Variants in RELN observed in about 807,000 individuals in gnomAD.
RELN encodes the protein reelin.
In RELN, 108 loss-of-function variants were observed where a neutral mutation model predicts 427.6. That is an observed-to-expected ratio of 0.25 (90% confidence interval 0.22 to 0.30). The LOEUF (loss-of-function observed/expected upper bound fraction) is 0.30. Ranked by LOEUF, RELN falls within the 10% of genes least tolerant of loss-of-function variation. The pLI, the probability that RELN is intolerant of heterozygous loss-of-function variation, is 1.00. For synonymous variants in RELN, 1,524 were observed against 1,513.4 expected, an observed-to-expected ratio of 1.01 and a Z score of -0.16; for missense variants, 3,715 against 4,302.8, an observed-to-expected ratio of 0.86 and a Z score of 3.82.
At chr7:103,846,513 G>A (rs1034544439) in intron 2 of RELN, among the ~76,000 whole-genome samples, 20 of 152,062 alleles carry the variant, frequency 1.3e-4, no homozygotes, top group African/African-American at 4.8e-4. Context: ...GGACATAGGC[G>A]TGGGCAAAGA....
chr7:103,932,251 C>G (rs1282589932), intron 1 of RELN, among the ~76,000 whole-genome samples: 1 of 152,188 alleles, frequency 6.6e-6, no homozygotes, highest in African/African-American at 2.4e-5. Context: ...ACGGATGGAG[C>G]TGGAGGCTAT....
Position 103,565,469 on chromosome 7 carries a change from G to T in RELN, c.5019C>A (p.Ser1673Arg), listed in dbSNP as rs370258062. 1.9e-5 allele frequency: 30 copies of T among 1,613,708 alleles called. No individual in the cohort carries two copies. In the African/African-American group the frequency reaches 4.0e-4, roughly 22 times the overall value. Residue 1673 changes from serine (S) to arginine (R), a missense_variant, in exon 34 of 65, where the codon AGC becomes AGA. Physicochemically the swap from Ser to Arg is moderately radical, Grantham distance 110 (BLOSUM62 -1). Transcript: ENST00000428762. ...FLQFEMSMGC[S>R]KPFSNSHSVQ... is the part of the protein sequence containing the mutation. Reference sequence around the variant, plus strand: ...CACTGTGGGAGTTGCTGAAGGGCTTGCTACAGCCCATGCTCATTTCAAACT... The same window carrying T: ...CACTGTGGGAGTTGCTGAAGGGCTTTCTACAGCCCATGCTCATTTCAAACT...
At chr7:103,778,189 G>A (rs932724241) in intron 3 of RELN, among the ~76,000 whole-genome samples, 2 of 152,098 alleles carry the variant, frequency 1.3e-5, no homozygotes, top group Admixed American at 6.5e-5. Context: ...ATGGCCTAGA[G>A]GCTCTCTAAT....
chr7:103,919,340 CT>C (rs1322331871), intron 1 of RELN, among the ~76,000 whole-genome samples: 1 of 152,038 alleles, frequency 6.6e-6, no homozygotes, highest in Non-Finnish European at 1.5e-5. Flanking sequence ...CATGTTTTCA[CT>C]GACTGGAACA....
At chr7:103,839,054 AGCC>A (rs1793484320) in intron 2 of RELN, among the ~76,000 whole-genome samples, 1 of 152,238 alleles carries the variant, frequency 6.6e-6, no homozygotes, top group Non-Finnish European at 1.5e-5. Flanking sequence ...TCTAATGTCT[AGCC>A]AATAATTTGC....
chr7:103,722,951 AAGTG>A (rs1342564898), intron 8 of RELN, among the ~76,000 whole-genome samples, 185 bp downstream of exon 8: 3 of 152,176 alleles, frequency 2.0e-5, no homozygotes, highest in Non-Finnish European at 2.9e-5. Context: ...TGCTGGAGAG[AAGTG>A]AGAACAGAAT....
At chr7:103,756,047 A>G (rs1791143190) in intron 4 of RELN, among the ~76,000 whole-genome samples, 1 of 152,216 alleles carries the variant, frequency 6.6e-6, no homozygotes, top group African/African-American at 2.4e-5. Flanking sequence ...GCAATACAAT[A>G]ATTAGATATG....
chr7:103,904,291 T>C lies in RELN; in HGVS notation c.337+12784A>G, dbSNP rs190205540. ...TTGGGCTGGTTCCATGTCTTTGCTA[T>C]TGTAAATAGTGCTGCAATAAACATA... On this transcript the variant is annotated intron_variant, in intron 2 of 64. Transcript: ENST00000428762. Among the ~76,000 whole-genome samples the C allele has an allele frequency of 1.3e-4, 20 of 152,300 alleles. No homozygotes were observed. The East Asian group carries it at 2.1e-3, about 16-fold the overall frequency.
chr7:103,936,793 A>C (rs1179697704), intron 1 of RELN, among the ~76,000 whole-genome samples: 1 of 151,452 alleles, frequency 6.6e-6, no homozygotes, highest in Non-Finnish European at 1.5e-5. Flanking sequence ...GTAAAATTCT[A>C]TTTCTTATGC....
intron 3 of RELN, among the ~76,000 whole-genome samples, chr7:103,802,459 C>A (rs1440305850): frequency 6.6e-6 from 1 of 152,034 alleles, no homozygotes; most frequent in Non-Finnish European, 1.5e-5. Context: ...CCCTAATTGG[C>A]CTTTTTTGGT....
intron 34 of RELN, 119 bp downstream of exon 34, chr7:103,565,159 C>G (rs1830720403): frequency 7.6e-7 from 1 of 1,313,364 alleles, no homozygotes; most frequent in Non-Finnish European, 1.1e-6. Context: ...TTCTTCCTGG[C>G]ACTTCCATGC....
At chr7:103,955,425 A>G (rs2116774522) in intron 1 of RELN, among the ~76,000 whole-genome samples, 1 of 152,240 alleles carries the variant, frequency 6.6e-6, no homozygotes, top group East Asian at 1.9e-4. Context: ...AATTTTCTCC[A>G]GCAGCACAGA....
At chr7:103,584,914 C>G (rs976053522) in intron 28 of RELN, among the ~76,000 whole-genome samples, 5 of 151,964 alleles carry the variant, frequency 3.3e-5, no homozygotes, top group Non-Finnish European at 7.4e-5. Context: ...GAGGAACTCT[C>G]AAAACTATAT....
rs189669418 is a variant in RELN, at chr7:103,895,059, G to A, written c.337+22016C>T. Among the ~76,000 whole-genome samples, 8 of 152,074 alleles carry A rather than the reference G, an allele frequency of 5.3e-5. No homozygotes were observed. In the East Asian group the frequency reaches 1.4e-3, roughly 26 times the overall value. On this transcript the variant is annotated intron_variant, in intron 2 of 64. Transcript: ENST00000428762. The stretch of plus-strand genomic sequence containing the variant: ...ACTAAAATCAACTTGGCACCAACTC[G>A]TCAGTTAATTAACTGTTAACAGATT...
At chr7:103,959,587 A>C (rs547240876) in intron 1 of RELN, among the ~76,000 whole-genome samples, 1 of 151,772 alleles carries the variant, frequency 6.6e-6, no homozygotes, top group South Asian at 2.1e-4. Flanking sequence ...GAACTCTTGA[A>C]GCCAACCTGA....
intron 3 of RELN, among the ~76,000 whole-genome samples, chr7:103,804,719 T>C (rs1340772272): frequency 6.6e-6 from 1 of 152,148 alleles, no homozygotes; most frequent in Non-Finnish European, 1.5e-5. Context: ...AAAATAGTAA[T>C]AGGTTACTTC....
At chr7:103,675,496 C>G (rs1463057680) in intron 11 of RELN, among the ~76,000 whole-genome samples, 1 of 152,180 alleles carries the variant, frequency 6.6e-6, no homozygotes, top group Non-Finnish European at 1.5e-5. Flanking sequence ...CCACCCCCAT[C>G]AAGCTACCAA....
At chr7:103,514,718 T>C (rs1829516829) in intron 50 of RELN, among the ~76,000 whole-genome samples, 1 of 152,060 alleles carries the variant, frequency 6.6e-6, no homozygotes, top group Admixed American at 6.6e-5. Flanking sequence ...TGAATACCCC[T>C]ATAGGGAATG....
chr7:103,608,489 T>C (rs1237629386), intron 22 of RELN, among the ~76,000 whole-genome samples: 3 of 152,110 alleles, frequency 2.0e-5, no homozygotes, highest in Admixed American at 1.3e-4. Flanking sequence ...TAAAGGTAAA[T>C]GGTCCGGGGA....
Sources: gnomAD v4.1 joint callset for allele counts (sites outside exome capture counted in the v4.1 genomes callset) on GRCh38, gnomAD v4.1.1 for gene constraint, MANE v1.5 for transcripts, NCBI Gene and HGNC (gene_info 2026-07-23, HGNC 2026-07-21) for gene names.